ZMYND11: variants seen among roughly 807,000 people sequenced by gnomAD.
The protein encoded by ZMYND11 is zinc finger MYND-type containing 11.
Under a neutral mutation model 84.9 loss-of-function variants are expected in ZMYND11, and 9 were observed. The observed-to-expected ratio is 0.11, with a 90% CI of 0.06 to 0.18. The LOEUF (loss-of-function observed/expected upper bound fraction) is 0.18. ZMYND11 is among the 10% of genes least tolerant of loss of function. The pLI is 1.00. For synonymous variants in ZMYND11, 250 were observed against 244.1 expected, an observed-to-expected ratio of 1.02 and a Z score of -0.23; for missense variants, 409 against 761.0, an observed-to-expected ratio of 0.54 and a Z score of 5.44.
upstream of ZMYND11, among the ~76,000 whole-genome samples, chr10:131,325 T>C (rs1456731015): frequency 1.2e-4 from 18 of 152,136 alleles, no homozygotes; most frequent in Non-Finnish European, 1.5e-4. Context: ...TGTACATTCA[T>C]GGACAGAAGT....
intron 2 of ZMYND11, among the ~76,000 whole-genome samples, chr10:186,007 C>CTT (rs1302174625): frequency 3.5e-5 from 5 of 142,236 alleles, no homozygotes; most frequent in Non-Finnish European, 6.1e-5. Context: ...ACACAGGATT[C>CTT]TTTTTTTTTT....
intron 4 of ZMYND11, among the ~76,000 whole-genome samples, chr10:232,502 T>A (rs1251673282): frequency 1.3e-5 from 2 of 152,192 alleles, no homozygotes; most frequent in Non-Finnish European, 2.9e-5. Flanking sequence ...CTCTTTTTTG[T>A]TTGTGTCAGT....
rs71489232 is a variant in ZMYND11, at chr10:166,962, G to A, written c.-19-13032G>A. The stretch of plus-strand genomic sequence containing the variant: ...ACGTGCAACAAAATGGATGAACCTA[G>A]AAAACACACTAATTGAAATAAGACA... On this transcript the variant is annotated intron_variant, in intron 1 of 14. Transcript: ENST00000381604. Among the ~76,000 whole-genome samples the A allele has an allele frequency of 9.1e-3, 1,382 of 152,172 alleles. 7 individuals are homozygous for A. The highest frequency in any genetic ancestry group is 0.013 in the Non-Finnish European group (883 of 67,962).
chr10:227,830 G>A (rs1385173327), intron 4 of ZMYND11, among the ~76,000 whole-genome samples: 1 of 152,078 alleles, frequency 6.6e-6, no homozygotes, highest in African/African-American at 2.4e-5. Context: ...CCAAATGTAA[G>A]TACTTTTACA....
At chr10:179,124 C>T (rs193064594) in intron 1 of ZMYND11, among the ~76,000 whole-genome samples, 187 of 152,266 alleles carry the variant, frequency 1.2e-3, no homozygotes, top group Non-Finnish European at 1.1e-3. Flanking sequence ...TGTTTCAGTG[C>T]GTCCCCAATG....
rs573136303 is a variant in ZMYND11 at position 249,741 on chromosome 10, A to C, written c.1686+653A>C. On this transcript the variant is annotated intron_variant, in intron 14 of 14. Transcript: ENST00000381604. ...GGAAAAGTTTTGCTCCCGAAAGCTCATAACTTGGTTTCAGTTTTAATAAAT... is the reference window on the plus strand; with the variant it reads ...GGAAAAGTTTTGCTCCCGAAAGCTCCTAACTTGGTTTCAGTTTTAATAAAT... 5.1e-6 allele frequency: 5 copies of C among 985,326 alleles called. No homozygotes were observed. The African/African-American group carries it at 7.0e-5, about 14-fold the overall frequency. 61.0% of individuals were successfully genotyped at this position (985,326 alleles called of 1,614,324 possible). A position where few individuals can be genotyped will look rare whatever the true frequency, so the allele number is the denominator to read the frequency against.
intron 1 of ZMYND11, among the ~76,000 whole-genome samples, chr10:158,672 C>T (rs913823061): frequency 6.7e-6 from 1 of 149,062 alleles, no homozygotes; most frequent in Non-Finnish European, 1.5e-5. Context: ...CTGCCTTCTT[C>T]GGCCTCCTAA....
intron 4 of ZMYND11, among the ~76,000 whole-genome samples, chr10:227,531 G>T (rs1948339033): frequency 6.6e-6 from 1 of 151,886 alleles, no homozygotes; most frequent in Non-Finnish European, 1.5e-5. Context: ...GTAACTTTTT[G>T]TTGTTGAGAT....
chr10:131,550 C>T (rs983067685), upstream of ZMYND11, among the ~76,000 whole-genome samples: 1 of 152,124 alleles, frequency 6.6e-6, no homozygotes, highest in Non-Finnish European at 1.5e-5. Flanking sequence ...TCCTGGAGAA[C>T]GTCTTGCTCT....
intron 10 of ZMYND11, among the ~76,000 whole-genome samples, chr10:245,902 T>C (rs181236824): frequency 1.5e-3 from 231 of 152,336 alleles, no homozygotes; most frequent in Middle Eastern, 6.8e-3. Context: ...ATAGTTTACC[T>C]TAACACCTGT....
At chr10:154,027 T>A (rs568417304) in intron 1 of ZMYND11, among the ~76,000 whole-genome samples, 1 of 151,968 alleles carries the variant, frequency 6.6e-6, no homozygotes, top group South Asian at 2.1e-4. Flanking sequence ...TTTCTTTGGC[T>A]TTCAGCTTCA....
intron 13 of ZMYND11, 106 bp from the exon 14 acceptor site, chr10:248,797 G>T: frequency 2.1e-6 from 3 of 1,443,990 alleles, no homozygotes; most frequent in Admixed American, 5.1e-5. Context: ...ATGTAATGAA[G>T]GGGAAAAAAG....
chr10:241,044 A>G, intron 9 of ZMYND11, 74 bp downstream of exon 9: 1 of 1,222,888 alleles, frequency 8.2e-7, no homozygotes, highest in South Asian at 1.4e-5. Flanking sequence ...GTTAAAGATT[A>G]TAATTTTCTT....
intron 2 of ZMYND11, among the ~76,000 whole-genome samples, chr10:200,205 G>GGTGTGTGTTTGTGTGTGT (rs1942806967): frequency 7.6e-6 from 1 of 132,434 alleles, no homozygotes; most frequent in Non-Finnish European, 1.6e-5. Context: ...GCCTGGCTAG[G>GGTGTGTGTTTGTGTGTGT]GTGTGTGTGT....
chr10:187,061 C>G (rs1938791060), intron 2 of ZMYND11, among the ~76,000 whole-genome samples: 1 of 151,972 alleles, frequency 6.6e-6, no homozygotes, highest in South Asian at 2.1e-4. Flanking sequence ...GACCCTATCT[C>G]TACAAAAAAT....
At chr10:238,291 C>G (rs375356432) in intron 6 of ZMYND11, among the ~76,000 whole-genome samples, 3 of 152,096 alleles carry the variant, frequency 2.0e-5, no homozygotes, top group African/African-American at 7.2e-5. Flanking sequence ...AATTTAAAAT[C>G]TTAACGCTTG....
At position 239,473 on chromosome 10, in the gene ZMYND11, G is replaced by C. The variant is rs770267222; in HGVS notation, c.645G>C (p.Glu215Asp). The C allele has an allele frequency of 6.2e-7, 1 of 1,613,556 alleles. No homozygotes were observed. Among genetic ancestry groups the C allele is most frequent in the Non-Finnish European group, 8.5e-7 (1 of 1,179,824 alleles). ...AAGGGAAATACCGAAGTTATGAAGA[G>C]TTCAAAGCTGATGCCCAATTGCTTC... ...VNEGKYRSYE[E>D]FKADAQLLLH... Residue 215 changes from glutamate to aspartate, a missense_variant, in exon 7 of 15, where the codon GAG (glutamate) becomes GAC (aspartate). Glu to Asp is a conservative substitution (Grantham distance 45). Transcript: ENST00000381604.
chr10:182,984 T>C (rs1486114197), intron 2 of ZMYND11, among the ~76,000 whole-genome samples: 1 of 152,196 alleles, frequency 6.6e-6, no homozygotes, highest in Admixed American at 6.5e-5. Flanking sequence ...AAGGCTGTAG[T>C]AGGGTTACTG....
chr10:144,007 TA>T (rs34431705), intron 1 of ZMYND11, among the ~76,000 whole-genome samples: 58 of 144,980 alleles, frequency 4.0e-4, no homozygotes, highest in South Asian at 1.1e-3. Context: ...CTGCCTCAAT[TA>T]AAAAAAAAAA....
Sources: allele counts gnomAD v4.1 joint callset (sites outside exome capture counted in the v4.1 genomes callset), GRCh38; gene constraint gnomAD v4.1.1; transcripts MANE v1.5; gene names NCBI Gene and HGNC (gene_info 2026-07-23, HGNC 2026-07-21).